The following EGFLAM variants were observed in gnomAD, a reference collection of about 807,000 sequenced individuals.
EGFLAM encodes pikachurin.
EGFLAM carries 79 observed loss-of-function variants against 113.1 expected under a neutral mutation model. That is an observed-to-expected ratio of 0.70 (90% CI 0.58 to 0.84). EGFLAM has a LOEUF of 0.84. Ranked by LOEUF, EGFLAM falls within the 40% of genes least tolerant of loss-of-function variation. The pLI, the probability that EGFLAM is intolerant of heterozygous loss-of-function variation, is 0.00. For missense variants in EGFLAM, 1,265 were observed against 1,291.6 expected (o/e 0.98, Z 0.32); for synonymous variants, 504 against 487.6 (o/e 1.03, Z -0.44).
At chr5:38,352,173 G>C in intron 4 of EGFLAM, 23 bp from the exon 5 acceptor site, 1 of 1,613,780 alleles carries the variant, frequency 6.2e-7, no homozygotes, top group Non-Finnish European at 8.5e-7. Context: ...GCCTAGTCTA[G>C]TTGTGTTTGT....
Position 38,344,269 on chromosome 5 carries a change from TGA to T in EGFLAM, c.291+5490_291+5491del, listed in dbSNP as rs1739419783. On this transcript the variant is annotated intron_variant, in intron 3 of 21. Coordinates refer to ENST00000322350, the MANE Select transcript of EGFLAM (RefSeq NM_152403.4). ...GGGAGGCTGAGGTGGGCAGATCACCTGAGGTCAGGAGTTTGAGACCAGCCTGG... is the reference window on the plus strand; with the variant it reads ...GGGAGGCTGAGGTGGGCAGATCACCTGGTCAGGAGTTTGAGACCAGCCTGG... 3.9e-5 allele frequency among the ~76,000 whole-genome samples: 6 copies of T among 152,194 alleles called. No individual in the cohort carries two copies. The South Asian group carries it at 1.2e-3, about 32-fold the overall frequency.
intron 1 of EGFLAM, among the ~76,000 whole-genome samples, chr5:38,264,884 A>G (rs922211217): frequency 2.0e-5 from 3 of 152,302 alleles, no homozygotes; most frequent in Non-Finnish European, 2.9e-5. Flanking sequence ...AGGCAGACAG[A>G]AATGTTTTCC....
chr5:38,448,301 CG>C lies in EGFLAM; in HGVS notation c.2466del (p.Ile823SerfsTer2). 6.2e-7 allele frequency: 1 copy of C among 1,614,086 alleles called. No individual in the cohort carries two copies. The highest frequency in any genetic ancestry group is 2.2e-5 in the East Asian group (1 of 44,882). ...ACCTCCTTTTTCTGTTCTGTCCCAGCGATCATAGAAGCCATTGAGATCCCGC... is the reference window on the plus strand; with the variant it reads ...ACCTCCTTTTTCTGTTCTGTCCCAGCATCATAGAAGCCATTGAGATCCCGC... ...LGFEGLHCQK[A>X]IIEAIEIPQF... is the part of the protein sequence containing the mutation. On this transcript the variant is annotated frameshift_variant and splice_region_variant, in exon 18 of 22. Transcript: ENST00000322350. LOFTEE classifies it high-confidence loss of function.
At chr5:38,319,338 T>G (rs539815026) in intron 1 of EGFLAM, among the ~76,000 whole-genome samples, 1 of 152,298 alleles carries the variant, frequency 6.6e-6, no homozygotes, top group African/African-American at 2.4e-5. Context: ...AAATTCAGGT[T>G]GAGAGATGCC....
At chr5:38,294,284 T>G (rs1758403524) in intron 1 of EGFLAM, among the ~76,000 whole-genome samples, 1 of 152,202 alleles carries the variant, frequency 6.6e-6, no homozygotes, top group Admixed American at 6.5e-5. Flanking sequence ...GCAAGAACAC[T>G]TCAAGCATCA....
intron 6 of EGFLAM, among the ~76,000 whole-genome samples, chr5:38,392,270 T>A (rs556344469): frequency 6.6e-6 from 1 of 152,322 alleles, no homozygotes; most frequent in Admixed American, 6.5e-5. Context: ...CATCCACATT[T>A]CTGCAAAAGA....
At chr5:38,302,867 C>T (rs1267235596) in intron 1 of EGFLAM, among the ~76,000 whole-genome samples, 3 of 152,106 alleles carry the variant, frequency 2.0e-5, no homozygotes, top group African/African-American at 7.2e-5. Context: ...CCAAACAGGC[C>T]ATAAGAGTCT....
intron 1 of EGFLAM, among the ~76,000 whole-genome samples, chr5:38,301,948 G>A (rs144602707): frequency 8.1e-4 from 124 of 152,192 alleles, no homozygotes; most frequent in African/African-American, 2.8e-3. Flanking sequence ...CTTGTGACAG[G>A]AGGAGATCAG....
intron 6 of EGFLAM, among the ~76,000 whole-genome samples, chr5:38,387,865 G>A (rs6887527): frequency 0.2 from 30,948 of 152,148 alleles, 3,332 homozygotes; most frequent in Non-Finnish European, 0.2. Flanking sequence ...CTAATGTCGC[G>A]AATGGTTATG....
chr5:38,292,423 AAGTTGGCTGCCC>A (rs1199404983), intron 1 of EGFLAM, among the ~76,000 whole-genome samples: 1 of 152,194 alleles, frequency 6.6e-6, no homozygotes, highest in Non-Finnish European at 1.5e-5. Flanking sequence ...AACATTGAAA[AAGTTGGCTGCCC>A]AGTGGCGGTC....
chr5:38,329,913 A>G (rs2589831), intron 1 of EGFLAM, among the ~76,000 whole-genome samples: 1 of 152,130 alleles, frequency 6.6e-6, no homozygotes, highest in Non-Finnish European at 1.5e-5. Flanking sequence ...AGGGTGCTCA[A>G]TATGTTAGGT....
intron 6 of EGFLAM, among the ~76,000 whole-genome samples, chr5:38,405,471 G>A (rs1741255006): frequency 6.6e-6 from 1 of 151,760 alleles, no homozygotes; most frequent in Non-Finnish European, 1.5e-5. Flanking sequence ...TTTTTTGTAT[G>A]AAGTCATGTG....
chr5:38,337,405 A>T, intron 1 of EGFLAM, 115 bp from the exon 2 acceptor site: 1 of 1,003,396 alleles, frequency 1.0e-6, no homozygotes, highest in Non-Finnish European at 1.4e-6. Context: ...CATTTCTGGA[A>T]TTATCTTTAA....
intron 1 of EGFLAM, among the ~76,000 whole-genome samples, chr5:38,269,711 G>A (rs1028317259): frequency 1.3e-5 from 2 of 151,952 alleles, no homozygotes; most frequent in South Asian, 2.1e-4. Context: ...GGATAGTCTC[G>A]ATCTCCTGAC....
intron 5 of EGFLAM, among the ~76,000 whole-genome samples, chr5:38,363,993 G>C (rs537443443): frequency 2.0e-4 from 30 of 152,334 alleles, no homozygotes; most frequent in African/African-American, 6.7e-4. Flanking sequence ...TTGTGTTCCA[G>C]TAAAACTTTA....
Position 38,370,450 on chromosome 5 carries a change from A to G in EGFLAM, c.700A>G (p.Ile234Val). ...PSPRSWPSDI[I>V]RTLCPEEAGS... is the part of the protein sequence containing the mutation. ...CCCCCGCAGCTGGCCCAGTGACATCATCCGGACCCTCTGTGAGTACCAGGG... is the reference window on the plus strand; with the variant it reads ...CCCCCGCAGCTGGCCCAGTGACATCGTCCGGACCCTCTGTGAGTACCAGGG... The change falls in exon 6 of 22, where the codon ATC becomes GTC. Residue 234 changes from isoleucine to valine, a missense_variant. By Grantham distance (29) the Ile-to-Val change is conservative. Transcript: ENST00000322350. 1 of 1,614,024 alleles carries G rather than the reference A, an allele frequency of 6.2e-7. No individual in the cohort carries two copies. Among genetic ancestry groups the G allele is most frequent in the Middle Eastern group, 1.7e-4 (1 of 6,034 alleles).
Position 38,289,189 on chromosome 5 carries a change from T to C in EGFLAM, c.97+30338T>C, listed in dbSNP as rs150093635. 2.3e-3 allele frequency among the ~76,000 whole-genome samples: 344 copies of C among 152,318 alleles called. 2 individuals are homozygous for C. Among genetic ancestry groups the C allele is most frequent in the Middle Eastern group, 0.017 (5 of 294 alleles). ...TCATCTTCCTTTCAGTTTGCTAAGC[T>C]TGTATCCTGGAGTCATCTTTAATTC... is the stretch of plus-strand genomic sequence containing the variant. On this transcript the variant is annotated intron_variant, in intron 1 of 21. Coordinates refer to ENST00000322350, the MANE Select transcript of EGFLAM (RefSeq NM_152403.4).
chr5:38,258,931 C>A, intron 1 of EGFLAM, 80 bp downstream of exon 1: 1 of 1,424,694 alleles, frequency 7.0e-7, no homozygotes, highest in Non-Finnish European at 9.4e-7. Flanking sequence ...GAGCGGGCAG[C>A]GCACCGCCTC....
chr5:38,352,376 C>T (rs765134039), intron 5 of EGFLAM, 45 bp downstream of exon 5: 18 of 1,604,532 alleles, frequency 1.1e-5, no homozygotes, highest in Admixed American at 6.7e-5. Flanking sequence ...GTGCTGGGCG[C>T]GGTGGCTCAC....
Sources: gnomAD v4.1 joint callset for allele counts (sites outside exome capture counted in the v4.1 genomes callset) on GRCh38, gnomAD v4.1.1 for gene constraint, MANE v1.5 for transcripts, NCBI Gene and HGNC (gene_info 2026-07-23, HGNC 2026-07-21) for gene names.